HLF: variants seen among roughly 807,000 people sequenced by gnomAD.
HLF encodes HLF transcription factor, PAR bZIP family member.
Under a neutral mutation model 22.6 loss-of-function variants are expected in HLF, and 3 were observed. The observed-to-expected ratio is 0.13, with a 90% CI of 0.06 to 0.34. The LOEUF (loss-of-function observed/expected upper bound fraction) is 0.34. HLF is among the 10% of genes least tolerant of loss of function. The probability of loss-of-function intolerance (pLI) is 1.00; values close to 1 mark genes in which losing one functional copy is unlikely to be tolerated. For synonymous variants in HLF, 151 were observed against 151.8 expected, an observed-to-expected ratio of 0.99 and a Z score of 0.04; for missense variants, 299 against 389.2, an observed-to-expected ratio of 0.77 and a Z score of 1.95.
rs756768580 is a variant in HLF, at chr17:55,265,513, T to C, written c.29T>C (p.Leu10Pro). The C allele has an allele frequency of 1.9e-6, 3 of 1,608,914 alleles. No homozygotes were observed. The highest frequency in any genetic ancestry group is 2.5e-6 in the Non-Finnish European group (3 of 1,177,362). Reference protein sequence around the residue: MEKMSRPLPLNPTFIPPPYG... With the variant: MEKMSRPLPPNPTFIPPPYG... ...GAGAAAATGTCCCGACCGCTCCCCC[T>C]GAATCCCACCTTTATCCCGCCTCCC... is the stretch of plus-strand genomic sequence containing the variant. Residue 10 changes from leucine (L) to proline (P), a missense_variant, in exon 1 of 4, where the codon CTG (leucine) becomes CCG (proline). This residue lies in a region of HLF where 72 missense variants were observed against 74.0 expected (regional missense o/e 0.97). Transcript: ENST00000226067.
intron 2 of HLF, among the ~76,000 whole-genome samples, chr17:55,277,233 TTATGTGTA>T (rs369483361): frequency 0.037 from 5,110 of 138,818 alleles, 217 homozygotes; most frequent in East Asian, 0.11. Flanking sequence ...GAACCAGATG[TTATGTGTA>T]TGTGTGTGTG....
At chr17:55,311,080 T>C (rs1418607640) in intron 2 of HLF, among the ~76,000 whole-genome samples, 1 of 152,146 alleles carries the variant, frequency 6.6e-6, no homozygotes, top group Non-Finnish European at 1.5e-5. Context: ...CCAAATATTA[T>C]TATATTTAAA....
At chr17:55,294,592 G>A (rs1342777783) in intron 2 of HLF, among the ~76,000 whole-genome samples, 2 of 152,300 alleles carry the variant, frequency 1.3e-5, no homozygotes, top group African/African-American at 2.4e-5. Context: ...CAAAGCATCC[G>A]CAGCTCAGAA....
intron 2 of HLF, among the ~76,000 whole-genome samples, chr17:55,312,003 C>G (rs1031147296): frequency 6.6e-6 from 1 of 152,164 alleles, no homozygotes; most frequent in Non-Finnish European, 1.5e-5. Context: ...TTATTTGATT[C>G]TTTTTAATGG....
At chr17:55,279,844 CCACT>C (rs1598391993) in intron 2 of HLF, among the ~76,000 whole-genome samples, 1 of 152,118 alleles carries the variant, frequency 6.6e-6, no homozygotes, top group African/African-American at 2.4e-5. Flanking sequence ...TTCCCCCCCA[CCACT>C]CAATTTTCAT....
intron 2 of HLF, among the ~76,000 whole-genome samples, chr17:55,268,737 C>CTT (rs367940386): frequency 2.7e-5 from 4 of 146,044 alleles, no homozygotes; most frequent in Non-Finnish European, 3.0e-5. Flanking sequence ...CTGTTCTTAT[C>CTT]TTTTTTTTTT....
intron 2 of HLF, among the ~76,000 whole-genome samples, chr17:55,311,511 AAAAAAC>A: frequency 6.6e-6 from 1 of 152,252 alleles, no homozygotes; most frequent in South Asian, 2.1e-4. Flanking sequence ...CTCAAAGAAA[AAAAAAC>A]AAAAACAAAA....
chr17:55,295,925 G>A (rs1338981333), intron 2 of HLF, among the ~76,000 whole-genome samples: 1 of 152,200 alleles, frequency 6.6e-6, no homozygotes, highest in East Asian at 1.9e-4. Flanking sequence ...ATATTAGAAT[G>A]TATTGACTAA....
chr17:55,265,716 C>T lies in HLF; in HGVS notation c.115+117C>T. ...CCCGCTCCCGCCCTGTCCCGCGGCG[C>T]CCCGGCCCCGCGCTGATGAAATTGA... On this transcript the variant is annotated intron_variant, in intron 1 of 3. Coordinates refer to ENST00000226067, the MANE Select transcript of HLF (RefSeq NM_002126.5). The T allele has an allele frequency of 5.4e-6, 6 of 1,107,898 alleles. No individual in the cohort carries two copies. The South Asian group carries it at 5.4e-5, about 10-fold the overall frequency. The allele number at this position is 1,107,898 out of a possible 1,614,324, so 68.6% of individuals were successfully genotyped here. A position where few individuals can be genotyped will look rare whatever the true frequency, so the allele number is the denominator to read the frequency against.
intron 1 of HLF, chr17:55,266,273 G>T (rs1298599474): frequency 1.3e-5 from 2 of 152,242 alleles, no homozygotes; most frequent in Non-Finnish European, 2.9e-5. Context: ...GCAGGCTCAC[G>T]TGTAACCGCG....
chr17:55,315,764 A>G (rs1359286573), intron 3 of HLF, among the ~76,000 whole-genome samples: 1 of 152,224 alleles, frequency 6.6e-6, no homozygotes, highest in Non-Finnish European at 1.5e-5. Flanking sequence ...TAAACCCCAC[A>G]TCTTTCAAGG....
In HLF at chr17:55,265,158, T is replaced by TC. The variant is rs2080775836; in HGVS notation, c.-326dup. ...TTCTGCAGCCGTCGACATTTTTTTT[T>TC]CTTTCTTTTTTTCAATTTTGAACAT... On this transcript the variant is annotated 5_prime_UTR_variant, in exon 1 of 4. Coordinates refer to ENST00000226067, the MANE Select transcript of HLF (RefSeq NM_002126.5). 1 of 230,714 alleles carries TC rather than the reference T, an allele frequency of 4.3e-6. No homozygotes were observed. Among genetic ancestry groups the TC allele is most frequent in the African/African-American group, 2.2e-5 (1 of 44,534 alleles). The allele number at this position is 230,714 out of a possible 1,614,324, so 14.3% of individuals were successfully genotyped here.
intron 2 of HLF, among the ~76,000 whole-genome samples, chr17:55,270,221 A>G (rs776993191): frequency 5.3e-5 from 8 of 152,248 alleles, no homozygotes; most frequent in Non-Finnish European, 1.2e-4. Context: ...GGGTCTAGAA[A>G]TAAGTTCTCC....
chr17:55,280,594 G>T (rs987409258), intron 2 of HLF, among the ~76,000 whole-genome samples: 5 of 152,136 alleles, frequency 3.3e-5, no homozygotes, highest in African/African-American at 1.2e-4. Flanking sequence ...TGTGTTTTAG[G>T]TTTCTTCTTT....
At chr17:55,265,678 A>C (rs2080781001) in intron 1 of HLF, 79 bp downstream of exon 1, 4 of 1,165,050 alleles carry the variant, frequency 3.4e-6, no homozygotes, top group Non-Finnish European at 4.8e-6. Flanking sequence ...CGCCCGCTGG[A>C]GCATCCCCCA....
At chr17:55,287,074 CA>C (rs1006059974) in intron 2 of HLF, among the ~76,000 whole-genome samples, 18 of 152,252 alleles carry the variant, frequency 1.2e-4, no homozygotes, top group Admixed American at 3.9e-4. Context: ...TTAGCTCAAT[CA>C]GGGGGGAGGC....
chr17:55,269,570 TAGAA>T (rs2080833141), intron 2 of HLF, among the ~76,000 whole-genome samples: 1 of 152,196 alleles, frequency 6.6e-6, no homozygotes, highest in African/African-American at 2.4e-5. Flanking sequence ...TGTGTGACCT[TAGAA>T]AGCAACATCA....
At chr17:55,295,204 T>C (rs1222219051) in intron 2 of HLF, among the ~76,000 whole-genome samples, 4 of 152,158 alleles carry the variant, frequency 2.6e-5, no homozygotes, top group Non-Finnish European at 5.9e-5. Flanking sequence ...GGAGGGAAGA[T>C]GGGAGATGAT....
At chr17:55,297,778 C>T (rs1033276388) in intron 2 of HLF, among the ~76,000 whole-genome samples, 7 of 130,436 alleles carry the variant, frequency 5.4e-5, no homozygotes, top group South Asian at 5.3e-4. Context: ...TGGAGTCTCG[C>T]TCTGTCACCC....
Sources: allele counts gnomAD v4.1 joint callset (sites outside exome capture counted in the v4.1 genomes callset), GRCh38; gene constraint gnomAD v4.1.1; regional missense constraint gnomAD v4.1.1; transcripts MANE v1.5; gene names NCBI Gene and HGNC (gene_info 2026-07-23, HGNC 2026-07-21).